APRT: variants seen among roughly 807,000 people sequenced by gnomAD.
APRT encodes the protein adenine phosphoribosyltransferase, also known as AMP diphosphorylase.
A neutral mutation model predicts 21.0 loss-of-function variants in APRT; 25 were observed. The ratio of observed to expected loss-of-function variants is 1.19; its 90% CI spans 0.87 to 1.66. APRT has a LOEUF of 1.66. Ranked by LOEUF, APRT falls within the 40% of genes most tolerant of loss-of-function variation. The probability of loss-of-function intolerance (pLI) is 0.00; values close to 1 mark genes in which losing one functional copy is unlikely to be tolerated. For missense variants in APRT, 294 were observed against 232.7 expected, an observed-to-expected ratio of 1.26 and a Z score of -1.72; for synonymous variants, 153 against 109.0, an observed-to-expected ratio of 1.40 and a Z score of -2.52.
intron 4 of APRT, 34 bp downstream of exon 4, chr16:88,810,036 G>T: frequency 6.2e-7 from 1 of 1,608,944 alleles, no homozygotes; most frequent in Non-Finnish European, 8.5e-7. Flanking sequence ...CAGGCCCTTG[G>T]AGCCACAGCA....
Position 88,809,602 on chromosome 16 carries a change from C to G in APRT, c.*96G>C. 1 of 1,569,406 alleles carries G rather than the reference C, an allele frequency of 6.4e-7. No homozygotes were observed. Among genetic ancestry groups the G allele is most frequent in the Non-Finnish European group, 8.7e-7 (1 of 1,143,760 alleles). ...CTGAACCCCAGCAAAGGAATGTGTT[C>G]CCTGTGGGCAGCCGGTGCCCCTGGT... On this transcript the variant is annotated 3_prime_UTR_variant, in exon 5 of 5. Transcript: ENST00000378364.
At position 88,811,851 on chromosome 16, in the gene APRT, G is replaced by T; in HGVS notation, c.49C>A (p.Pro17Thr). 6.4e-7 allele frequency: 1 copy of T among 1,572,868 alleles called. No homozygotes were observed. Among genetic ancestry groups the T allele is most frequent in the Non-Finnish European group, 8.6e-7 (1 of 1,161,158 alleles). The part of the protein sequence containing the change: ...QLVEQRIRSF[P>T]DFPTPGVVFR... ...ACCACGCCTGGGGTGGGGAAGTCGG[G>T]GAAGCTGCGGATCCGCTGCTCAACC... Residue 17 changes from proline (P) to threonine (T), a missense_variant, in exon 1 of 5, where the codon CCC (proline) becomes ACC (threonine). Transcript: ENST00000378364.
chr16:88,810,362 G>A, intron 3 of APRT, 61 bp downstream of exon 3: 1 of 1,599,824 alleles, frequency 6.3e-7, no homozygotes, highest in East Asian at 2.2e-5. Flanking sequence ...TTTTAGAACT[G>A]GGGGAGAGTG....
intron 4 of APRT, 111 bp downstream of exon 4, chr16:88,809,959 C>A: frequency 6.4e-7 from 1 of 1,567,832 alleles, no homozygotes; most frequent in Non-Finnish European, 8.7e-7. Flanking sequence ...GCCTGGCCAC[C>A]AGGCACCCTC....
In APRT at chr16:88,809,498, C is replaced by CGCTGTGTGTA. The variant is rs1909018837; in HGVS notation, c.*190_*199dup. The CGCTGTGTGTA allele has an allele frequency of 4.8e-6, 4 of 828,604 alleles. No individual in the cohort carries two copies. The South Asian group carries it at 5.7e-5, about 12-fold the overall frequency. 51.3% of individuals were successfully genotyped at this position (828,604 alleles called of 1,614,324 possible). On this transcript the variant is annotated 3_prime_UTR_variant, in exon 5 of 5. Coordinates refer to ENST00000378364, the MANE Select transcript of APRT (RefSeq NM_000485.3). The stretch of plus-strand genomic sequence containing the variant: ...GGGAAAGCTGTTTACTGCGTTCTCC[C>CGCTGTGTGTA]GCTGTGTGTAATTGGGTTCAGTGTG...
chr16:88,811,492 G>T, intron 2 of APRT, 58 bp downstream of exon 2: 1 of 1,482,544 alleles, frequency 6.7e-7, no homozygotes, highest in Non-Finnish European at 9.2e-7. Context: ...GAGCCCACGT[G>T]CTGCCCTCGG....
intron 3 of APRT, 110 bp from the exon 4 acceptor site, chr16:88,810,258 C>T (rs8191489): frequency 6.7e-7 from 1 of 1,499,964 alleles, no homozygotes; most frequent in African/African-American, 1.4e-5. Flanking sequence ...CTTGCTGTTA[C>T]CTGGCTGTGT....
intron 2 of APRT, 111 bp downstream of exon 2, chr16:88,811,439 C>A (rs1366960696): frequency 8.4e-7 from 1 of 1,186,500 alleles, no homozygotes; most frequent in Non-Finnish European, 1.2e-6. Flanking sequence ...CGTCCCGGCG[C>A]CCCCTGAAGC....
rs369966180 is a variant in APRT, at chr16:88,809,575, C to T, written c.*123G>A. The T allele has an allele frequency of 1.1e-4, 161 of 1,472,676 alleles. 1 individual carries two copies. In the Middle Eastern group the frequency reaches 2.4e-3, roughly 22 times the overall value. The allele number at this position is 1,472,676 out of a possible 1,614,324, so 91.2% of individuals were successfully genotyped here. ...TTGGCACTTCCAGCCCCAGGAGAGG[C>T]GCTGAACCCCAGCAAAGGAATGTGT... On this transcript the variant is annotated 3_prime_UTR_variant, in exon 5 of 5. Coordinates refer to ENST00000378364, the MANE Select transcript of APRT (RefSeq NM_000485.3).
Position 88,809,733 on chromosome 16 carries a change from G to C in APRT, c.508C>G (p.Pro170Ala), listed in dbSNP as rs1909035355. Residue 170 changes from proline (P) to alanine (A), a missense_variant, in exon 5 of 5, where the codon CCT (proline) becomes GCT (alanine). Physicochemically the swap from Pro to Ala is conservative, Grantham distance 27. Coordinates refer to ENST00000378364, the MANE Select transcript of APRT (RefSeq NM_000485.3). Reference protein sequence around the residue: ...TSLKGREKLAPVPFFSLLQYE With the variant: ...TSLKGREKLAAVPFFSLLQYE ...TGCAGGAGAGAGAAGAAGGGTACAG[G>C]TGCCAGCTTCTCCCTGCCCTTAAGC... 2 of 1,613,282 alleles carry C rather than the reference G, an allele frequency of 1.2e-6. No homozygotes were observed. The highest frequency in any genetic ancestry group is 2.2e-5 in the South Asian group (2 of 91,096).
chr16:88,810,170 G>C (rs533045091), intron 3 of APRT, 22 bp from the exon 4 acceptor site: 1 of 1,610,424 alleles, frequency 6.2e-7, no homozygotes, highest in Non-Finnish European at 8.5e-7. Context: ...AGTGGTGTGT[G>C]GTCCTCAGCC....
intron 3 of APRT, 123 bp downstream of exon 3, chr16:88,810,300 T>C (rs2142952024): frequency 6.6e-7 from 1 of 1,522,952 alleles, no homozygotes; most frequent in African/African-American, 1.4e-5. Context: ...CTCTCTGAGC[T>C]CCCAAGGCCA....
At chr16:88,811,258 T>A (rs1203461456) in intron 2 of APRT, 1 of 520,040 alleles carries the variant, frequency 1.9e-6, no homozygotes, top group Non-Finnish European at 3.4e-6. Flanking sequence ...GCAAGGCAGC[T>A]GGGCCCTGTG....
In APRT at chr16:88,809,597, G is replaced by C. The variant is rs1450172213; in HGVS notation, c.*101C>G. 6.4e-7 allele frequency: 1 copy of C among 1,554,896 alleles called. No homozygotes were observed. The highest frequency in any genetic ancestry group is 8.8e-7 in the Non-Finnish European group (1 of 1,131,294). On this transcript the variant is annotated 3_prime_UTR_variant, in exon 5 of 5. Transcript: ENST00000378364. Reference sequence around the variant, plus strand: ...AGGCGCTGAACCCCAGCAAAGGAATGTGTTCCCTGTGGGCAGCCGGTGCCC... The same window carrying C: ...AGGCGCTGAACCCCAGCAAAGGAATCTGTTCCCTGTGGGCAGCCGGTGCCC...
chr16:88,810,747 G>T lies in APRT; in HGVS notation c.188-191C>A, dbSNP rs530793314. 2.0e-4 allele frequency among the ~76,000 whole-genome samples: 31 copies of T among 152,328 alleles called. No individual in the cohort carries two copies. In the South Asian group the frequency reaches 5.8e-3, roughly 28 times the overall value. ...GTGCAGACCTGGGTCTGTCTTTTAA[G>T]GGACCACTTCTTAGCTGTGTGTTCC... On this transcript the variant is annotated intron_variant, in intron 2 of 4. Transcript: ENST00000378364.
intron 2 of APRT, 66 bp downstream of exon 2, chr16:88,811,484 G>C: frequency 6.8e-7 from 1 of 1,467,366 alleles, no homozygotes; most frequent in Non-Finnish European, 9.3e-7. Context: ...GACGCGCAGA[G>C]CCCACGTGCT....
In APRT at chr16:88,810,550, T is replaced by A. The variant is rs104894506; in HGVS notation, c.194A>T (p.Asp65Val). 6.8e-6 allele frequency: 11 copies of A among 1,611,170 alleles called. No homozygotes were observed. Among genetic ancestry groups the A allele is most frequent in the African/African-American group, 1.3e-5 (1 of 74,928 alleles). The change falls in exon 3 of 5, where the codon GAC (aspartate) becomes GTC (valine). Residue 65 changes from aspartate (D) to valine (V), a missense_variant. Physicochemically the swap from Asp to Val is radical, Grantham distance 152 (BLOSUM62 -3). Transcript: ENST00000378364. ...GGGGCCAAAGAGGAAGCCTCGGGAGTCTAGGCCTGTCAGGGTAAGTGACAG... is the reference window on the plus strand; with the variant it reads ...GGGGCCAAAGAGGAAGCCTCGGGAGACTAGGCCTGTCAGGGTAAGTGACAG... ...GGRIDYIAGL[D>V]SRGFLFGPSL... is the part of the protein sequence containing the mutation.
At position 88,811,709 on chromosome 16, in the gene APRT, C is replaced by A. The variant is rs897279161; in HGVS notation, c.81-53G>T. On this transcript the variant is annotated intron_variant, in intron 1 of 4. Coordinates refer to ENST00000378364, the MANE Select transcript of APRT (RefSeq NM_000485.3). ...CCGGGGCCGAAGGAGGGCAGGGCCC[C>A]GGGGGCGAAAGACGAGGGTTCCCGC... 2.3e-5 allele frequency: 35 copies of A among 1,508,546 alleles called. No individual in the cohort carries two copies. The African/African-American group carries it at 3.6e-4, about 15-fold the overall frequency. 93.4% of individuals were successfully genotyped at this position (1,508,546 alleles called of 1,614,324 possible).
rs139444461 is a variant in APRT at position 88,810,042 on chromosome 16, C to T, written c.400+28G>A. The T allele has an allele frequency of 4.4e-5, 71 of 1,611,234 alleles. No individual in the cohort carries two copies. In the Middle Eastern group the frequency reaches 8.3e-4, roughly 19 times the overall value. On this transcript the variant is annotated intron_variant, in intron 4 of 4. Coordinates refer to ENST00000378364, the MANE Select transcript of APRT (RefSeq NM_000485.3). ...CACTCCCACCAGGCCCTTGGAGCCACAGCAGTTGGCTGCGGGGAGACCCTT... is the reference window on the plus strand; with the variant it reads ...CACTCCCACCAGGCCCTTGGAGCCATAGCAGTTGGCTGCGGGGAGACCCTT...
Sources: gnomAD v4.1 joint callset for allele counts (sites outside exome capture counted in the v4.1 genomes callset) on GRCh38, gnomAD v4.1.1 for gene constraint, MANE v1.5 for transcripts, NCBI Gene and HGNC (gene_info 2026-07-23, HGNC 2026-07-21) for gene names.